Variants in GOLM2 observed in about 807,000 individuals in gnomAD.
The protein encoded by GOLM2 is golgi membrane protein 2, also known as protein GOLM2.
GOLM2 carries 26 observed loss-of-function variants against 55.9 expected under a neutral mutation model. That is an observed-to-expected ratio of 0.47 (90% CI 0.34 to 0.65). The LOEUF (loss-of-function observed/expected upper bound fraction) is 0.65. Ranked by LOEUF, GOLM2 falls within the 30% of genes least tolerant of loss-of-function variation. GOLM2 has a pLI of 0.01. For missense variants in GOLM2, 486 were observed against 531.8 expected, an observed-to-expected ratio of 0.91 and a Z score of 0.85; for synonymous variants, 165 against 194.6, an observed-to-expected ratio of 0.85 and a Z score of 1.27.
In GOLM2 at chr15:44,337,743, T is replaced by C. The variant is rs1350555383; in HGVS notation, c.577-20T>C. ...AACAATTTGAACTGAAAAATATTAT[T>C]ACCAAATTTTGTCTAACAGCAAGAG... On this transcript the variant is annotated intron_variant, in intron 4 of 9. Transcript: ENST00000299957. The C allele has an allele frequency of 4.5e-6, 7 of 1,544,472 alleles. No individual in the cohort carries two copies. In the African/African-American group the frequency reaches 9.9e-5, roughly 22 times the overall value.
intron 6 of GOLM2, among the ~76,000 whole-genome samples, chr15:44,352,883 G>A (rs2079174100): frequency 1.3e-5 from 2 of 149,386 alleles, no homozygotes; most frequent in African/African-American, 5.0e-5. Flanking sequence ...TCCAGCCTGG[G>A]CAATAAGAGC....
At chr15:44,396,659 A>T (rs933071910) in intron 8 of GOLM2, among the ~76,000 whole-genome samples, 1 of 152,158 alleles carries the variant, frequency 6.6e-6, no homozygotes, top group Non-Finnish European at 1.5e-5. Context: ...TTTAGCGTGA[A>T]TTGAAAAGCG....
intron 6 of GOLM2, among the ~76,000 whole-genome samples, chr15:44,369,302 C>T (rs1306176768): frequency 2.0e-5 from 3 of 146,904 alleles, no homozygotes. Flanking sequence ...TGATGTTTTT[C>T]ACCAAATGAT....
chr15:44,370,096 T>G (rs1202405183), intron 6 of GOLM2, among the ~76,000 whole-genome samples: 5 of 152,202 alleles, frequency 3.3e-5, no homozygotes, highest in Middle Eastern at 3.2e-3. Context: ...CTGCCTGTTT[T>G]ATATTCGCTG....
chr15:44,371,153 C>G (rs779420992), intron 6 of GOLM2, among the ~76,000 whole-genome samples: 1 of 152,186 alleles, frequency 6.6e-6, no homozygotes, highest in Non-Finnish European at 1.5e-5. Flanking sequence ...CAAATTCTAG[C>G]CACCTCAGCA....
intron 4 of GOLM2, among the ~76,000 whole-genome samples, chr15:44,335,871 G>A (rs2079052768): frequency 6.8e-6 from 1 of 147,452 alleles, no homozygotes; most frequent in Non-Finnish European, 1.5e-5. Context: ...CTGGAGTACA[G>A]TGGCCCGATC....
chr15:44,342,703 C>T (rs2079097564), intron 6 of GOLM2, among the ~76,000 whole-genome samples: 1 of 152,210 alleles, frequency 6.6e-6, no homozygotes, highest in South Asian at 2.1e-4. Context: ...TAGAAGGAAA[C>T]TTTGAGCTCT....
intron 1 of GOLM2, among the ~76,000 whole-genome samples, chr15:44,312,978 C>T (rs1419176322): frequency 1.3e-5 from 2 of 152,074 alleles, no homozygotes; most frequent in African/African-American, 4.8e-5. Context: ...ACTTGGGAGG[C>T]CGAGACAGGA....
intron 6 of GOLM2, among the ~76,000 whole-genome samples, chr15:44,369,202 ATATATGTGTG>A (rs2079312023): frequency 1.6e-5 from 2 of 126,022 alleles, no homozygotes; most frequent in African/African-American, 3.4e-5. Flanking sequence ...GTATATATAT[ATATATGTGTG>A]TGTGTGTGTG....
chr15:44,302,146 A>ATT (rs374509457), intron 1 of GOLM2, among the ~76,000 whole-genome samples: 3 of 141,146 alleles, frequency 2.1e-5, no homozygotes, highest in Non-Finnish European at 3.1e-5. Context: ...TTTACATTTA[A>ATT]TTTTTTTTTT....
At chr15:44,393,916 C>T (rs2079507923) in intron 8 of GOLM2, among the ~76,000 whole-genome samples, 1 of 152,188 alleles carries the variant, frequency 6.6e-6, no homozygotes, top group Non-Finnish European at 1.5e-5. Flanking sequence ...TGGTCTCAAA[C>T]TCCTGACCTC....
intron 9 of GOLM2, among the ~76,000 whole-genome samples, chr15:44,409,201 G>A (rs1452633148): frequency 6.9e-6 from 1 of 144,396 alleles, no homozygotes; most frequent in Non-Finnish European, 1.5e-5. Context: ...GGAGAATGGC[G>A]TGAACCCGGG....
chr15:44,297,429 T>G (rs1290520569), intron 1 of GOLM2, among the ~76,000 whole-genome samples: 1 of 152,232 alleles, frequency 6.6e-6, no homozygotes, highest in Non-Finnish European at 1.5e-5. Flanking sequence ...TCAGGCTGAT[T>G]GTTTTGCTTA....
chr15:44,358,151 T>C (rs1216601986), intron 6 of GOLM2, among the ~76,000 whole-genome samples: 1 of 152,122 alleles, frequency 6.6e-6, no homozygotes, highest in Non-Finnish European at 1.5e-5. Flanking sequence ...GCCAGGAGTT[T>C]GAGACCAGCC....
chr15:44,311,294 T>G (rs573255453), intron 1 of GOLM2, among the ~76,000 whole-genome samples: 1 of 152,224 alleles, frequency 6.6e-6, no homozygotes, highest in South Asian at 2.1e-4. Context: ...AGGTTTTACT[T>G]CCCTAAATGG....
intron 1 of GOLM2, among the ~76,000 whole-genome samples, chr15:44,312,373 C>T (rs2141121512): frequency 1.3e-5 from 2 of 152,212 alleles, no homozygotes; most frequent in South Asian, 2.1e-4. Flanking sequence ...CTTTTTTTCT[C>T]CTTTCTCAAG....
At chr15:44,326,661 T>G (rs1037005182) in intron 2 of GOLM2, among the ~76,000 whole-genome samples, 6 of 149,986 alleles carry the variant, frequency 4.0e-5, no homozygotes, top group Non-Finnish European at 7.4e-5. Context: ...ATAGTTTTTT[T>G]TTTTTTTTGA....
At chr15:44,315,062 C>T (rs972814484) in intron 1 of GOLM2, among the ~76,000 whole-genome samples, 4 of 152,144 alleles carry the variant, frequency 2.6e-5, no homozygotes, top group East Asian at 1.9e-4. Context: ...ATCAGAATCA[C>T]GTAAGATTTT....
chr15:44,323,874 C>T (rs1033318768), intron 2 of GOLM2, among the ~76,000 whole-genome samples: 1 of 152,100 alleles, frequency 6.6e-6, no homozygotes, highest in African/African-American at 2.4e-5. Context: ...AAATTTTTCT[C>T]CTTACCTAGC....
Sources: gnomAD v4.1 joint callset for allele counts (sites outside exome capture counted in the v4.1 genomes callset) on GRCh38, gnomAD v4.1.1 for gene constraint, MANE v1.5 for transcripts, NCBI Gene and HGNC (gene_info 2026-07-23, HGNC 2026-07-21) for gene names.